Variants in GRAMD1C observed in about 807,000 individuals in gnomAD.
GRAMD1C encodes GRAM domain containing 1C.
A neutral mutation model predicts 97.8 loss-of-function variants in GRAMD1C; 89 were observed. The observed-to-expected ratio is 0.91, with a 90% CI of 0.77 to 1.09. GRAMD1C has a LOEUF of 1.09. Ranked by LOEUF, GRAMD1C falls within the 50% of genes least tolerant of loss-of-function variation. GRAMD1C has a pLI of 0.00. For synonymous variants in GRAMD1C, 256 were observed against 267.0 expected, an observed-to-expected ratio of 0.96 and a Z score of 0.40; for missense variants, 740 against 766.4, an observed-to-expected ratio of 0.97 and a Z score of 0.41.
At chr3:113,927,723 T>G (rs1937275078) in intron 10 of GRAMD1C, among the ~76,000 whole-genome samples, 2 of 152,210 alleles carry the variant, frequency 1.3e-5, no homozygotes, top group Non-Finnish European at 2.9e-5. Flanking sequence ...TCACCTACCC[T>G]GCTGTCAAGG....
chr3:113,842,250 C>T (rs1444594063), intron 1 of GRAMD1C, among the ~76,000 whole-genome samples: 1 of 152,138 alleles, frequency 6.6e-6, no homozygotes, highest in Non-Finnish European at 1.5e-5. Context: ...AGTGGGAACT[C>T]TAGGTATAAC....
chr3:113,916,488 A>G (rs961810970), intron 10 of GRAMD1C, among the ~76,000 whole-genome samples: 2 of 152,372 alleles, frequency 1.3e-5, no homozygotes, highest in African/African-American at 4.8e-5. Flanking sequence ...GTTGAGCAAA[A>G]GAATCCAGAT....
intron 10 of GRAMD1C, among the ~76,000 whole-genome samples, chr3:113,927,193 T>G (rs886700624): frequency 1.5e-4 from 23 of 152,022 alleles, no homozygotes; most frequent in Non-Finnish European, 2.5e-4. Flanking sequence ...GATAGGCTCT[T>G]AACGCTGCAG....
At chr3:113,852,086 T>G (rs1933934250) in intron 2 of GRAMD1C, among the ~76,000 whole-genome samples, 1 of 152,094 alleles carries the variant, frequency 6.6e-6, no homozygotes, top group Admixed American at 6.6e-5. Context: ...ACAGGTAAAT[T>G]TTTCTACTGA....
chr3:113,905,676 A>G (rs1055531850), intron 8 of GRAMD1C, among the ~76,000 whole-genome samples: 1 of 151,916 alleles, frequency 6.6e-6, no homozygotes, highest in Admixed American at 6.6e-5. Flanking sequence ...GATGGACTGC[A>G]TATGTGGTGG....
At chr3:113,931,628 T>A (rs1459077809) in intron 11 of GRAMD1C, among the ~76,000 whole-genome samples, 1 of 152,092 alleles carries the variant, frequency 6.6e-6, no homozygotes, top group Non-Finnish European at 1.5e-5. Flanking sequence ...AAGAAAATAT[T>A]TTTTTAAAAA....
chr3:113,922,936 C>A (rs528719002), intron 10 of GRAMD1C, among the ~76,000 whole-genome samples: 42 of 152,164 alleles, frequency 2.8e-4, no homozygotes, highest in Non-Finnish European at 3.2e-4. Context: ...TGTGTCATCT[C>A]TGATTTATTT....
upstream of GRAMD1C, among the ~76,000 whole-genome samples, chr3:113,836,830 G>C (rs1709638480): frequency 2.0e-5 from 3 of 152,086 alleles, no homozygotes; most frequent in South Asian, 6.2e-4. Flanking sequence ...TTTTAGTAGA[G>C]ACAGGGTTTC....
chr3:113,850,992 C>T (rs1398157841), intron 2 of GRAMD1C, among the ~76,000 whole-genome samples: 6 of 151,816 alleles, frequency 4.0e-5, no homozygotes, highest in Admixed American at 1.3e-4. Flanking sequence ...TTAGTAGAGA[C>T]AGGGTTTCAC....
chr3:113,880,810 TAAAGA>T (rs969531724), intron 5 of GRAMD1C, among the ~76,000 whole-genome samples: 1 of 152,156 alleles, frequency 6.6e-6, no homozygotes, highest in African/African-American at 2.4e-5. Context: ...ATGAGAAAAC[TAAAGA>T]AAAGAAAAGT....
intron 4 of GRAMD1C, chr3:113,875,843 C>G: frequency 2.5e-6 from 1 of 394,878 alleles, no homozygotes; most frequent in Non-Finnish European, 4.5e-6. Flanking sequence ...ATCTTAATGG[C>G]TGCCAAAACC....
chr3:113,901,573 TGGAAGGA>T (rs1936173570), intron 7 of GRAMD1C, among the ~76,000 whole-genome samples: 1 of 152,166 alleles, frequency 6.6e-6, no homozygotes, highest in Non-Finnish European at 1.5e-5. Flanking sequence ...AATACATTAA[TGGAAGGA>T]GCATATAGCC....
chr3:113,875,675 C>A, intron 4 of GRAMD1C, 88 bp downstream of exon 4: 2 of 676,356 alleles, frequency 3.0e-6, no homozygotes, highest in South Asian at 3.5e-5. Context: ...TAGATGATTC[C>A]AAAGTAAATT....
intron 9 of GRAMD1C, chr3:113,913,190 T>C (rs1053882613): frequency 4.0e-6 from 3 of 751,192 alleles, no homozygotes; most frequent in Non-Finnish European, 6.0e-6. Flanking sequence ...GGATTTTTGT[T>C]TTCTCTTTCT....
chr3:113,850,098 C>T (rs950768708), intron 2 of GRAMD1C: 3 of 364,704 alleles, frequency 8.2e-6, no homozygotes, highest in African/African-American at 4.3e-5. Flanking sequence ...CCTAGAGCCC[C>T]TCCAGCTAGT....
chr3:113,907,700 T>A (rs1343986703), intron 8 of GRAMD1C, among the ~76,000 whole-genome samples: 1 of 152,224 alleles, frequency 6.6e-6, no homozygotes. Context: ...TAAAACTTCA[T>A]GAAATACAGT....
In GRAMD1C at chr3:113,858,394, A is replaced by ATTTT. The variant is rs71144094; in HGVS notation, c.175-11097_175-11094dup. On this transcript the variant is annotated intron_variant, in intron 2 of 17. Coordinates refer to ENST00000358160, the MANE Select transcript of GRAMD1C (RefSeq NM_017577.5). ...ATTACAGGCATGTAATCCCAGCTAC[A>ATTTT]TTTTTTTTTTTTTTTTTTTGAGACA... Among the ~76,000 whole-genome samples, 356 of 109,332 alleles carry ATTTT rather than the reference A, an allele frequency of 3.3e-3. 8 individuals carry two copies. Among genetic ancestry groups the ATTTT allele is most frequent in the South Asian group, 0.02 (58 of 2,974 alleles). 71.7% of individuals were successfully genotyped at this position (109,332 alleles called of 152,430 possible).
intron 5 of GRAMD1C, among the ~76,000 whole-genome samples, 172 bp from the exon 6 acceptor site, chr3:113,882,579 TA>T (rs1255040341): frequency 1.3e-5 from 2 of 152,182 alleles, no homozygotes. Context: ...ATATAGCAAC[TA>T]CCCGTGTTTC....
intron 9 of GRAMD1C, among the ~76,000 whole-genome samples, chr3:113,914,998 T>C (rs2107339281): frequency 6.6e-6 from 1 of 152,300 alleles, no homozygotes; most frequent in African/African-American, 2.4e-5. Context: ...CCAGGGCATA[T>C]GAGAATAGGT....
Sources: allele counts gnomAD v4.1 joint callset (sites outside exome capture counted in the v4.1 genomes callset), GRCh38; gene constraint gnomAD v4.1.1; transcripts MANE v1.5; gene names NCBI Gene and HGNC (gene_info 2026-07-23, HGNC 2026-07-21).